Variants in DERA observed in about 807,000 individuals in gnomAD.
DERA encodes 2-deoxy-D-ribose 5-phosphate aldolase.
In DERA, 15 loss-of-function variants were observed where a neutral mutation model predicts 41.1. The observed-to-expected ratio is 0.37, with a 90% CI of 0.24 to 0.56. DERA has a LOEUF of 0.56. Among genes scored for constraint, DERA ranks in the 20% least tolerant of loss-of-function variants. The pLI is 0.81. For synonymous variants in DERA, 139 were observed against 137.4 expected (o/e 1.01, Z -0.08); for missense variants, 396 against 403.4 (o/e 0.98, Z 0.16).
In DERA at chr12:15,984,172, A is replaced by C. The variant is rs1381588001; in HGVS notation, c.637+1736A>C. ...TGGAGCTGAGATACTCCTCAGGGTC[A>C]CATCGGAGCCAATCTTGTGATACCT... On this transcript the variant is annotated intron_variant, in intron 6 of 8. Coordinates refer to ENST00000428559, the MANE Select transcript of DERA (RefSeq NM_015954.4). The surrounding 1 kb of genome is among the most constrained non-coding windows in gnomAD (Gnocchi z 4.5). 2.0e-5 allele frequency among the ~76,000 whole-genome samples: 3 copies of C among 152,208 alleles called. No individual in the cohort carries two copies. The highest frequency in any genetic ancestry group is 4.4e-5 in the Non-Finnish European group (3 of 68,042).
intron 5 of DERA, among the ~76,000 whole-genome samples, chr12:15,978,425 G>A (rs1460216393): frequency 1.3e-5 from 2 of 152,184 alleles, no homozygotes; most frequent in Non-Finnish European, 2.9e-5. Flanking sequence ...TGGGAAGCTA[G>A]TATTGAATGA....
At chr12:16,015,168 G>A (rs535467718) in intron 6 of DERA, among the ~76,000 whole-genome samples, 1 of 152,256 alleles carries the variant, frequency 6.6e-6, no homozygotes, top group African/African-American at 2.4e-5. Flanking sequence ...AAAACTTCGG[G>A]GGACTGTCGA....
At chr12:15,980,803 G>A (rs994005319) in intron 5 of DERA, among the ~76,000 whole-genome samples, 13 of 152,140 alleles carry the variant, frequency 8.5e-5, no homozygotes, top group Non-Finnish European at 1.8e-4. Flanking sequence ...TCTTGGAATA[G>A]AATATTTGCT....
chr12:15,964,598 T>TAAGGCTAGAG (rs1311607487), intron 5 of DERA, among the ~76,000 whole-genome samples: 2 of 152,196 alleles, frequency 1.3e-5, no homozygotes, highest in Non-Finnish European at 2.9e-5. Flanking sequence ...CACTAAGATT[T>TAAGGCTAGAG]AAGGCTAGAG....
chr12:16,015,090 G>A (rs1377891761), intron 6 of DERA, among the ~76,000 whole-genome samples: 1 of 152,154 alleles, frequency 6.6e-6, no homozygotes, highest in African/African-American at 2.4e-5. Context: ...GCTTATAGGT[G>A]GATGGGACTT....
At position 15,912,114 on chromosome 12, in the gene DERA, A is replaced by G. The variant is rs149470000; in HGVS notation, c.31+700A>G. On this transcript the variant is annotated intron_variant, in intron 1 of 8. Transcript: ENST00000428559. ...ACAGTAGTGGAGGGAAGGTCAGCTG[A>G]TAAACAAGTGAACAAAGGTCTCTGG... Among the ~76,000 whole-genome samples the G allele has an allele frequency of 8.1e-3, 1,224 of 151,566 alleles. 16 individuals are homozygous for G. Among genetic ancestry groups the G allele is most frequent in the African/African-American group, 0.027 (1,132 of 41,168 alleles).
chr12:15,932,521 A>G (rs1408426306), intron 1 of DERA, among the ~76,000 whole-genome samples: 3 of 151,946 alleles, frequency 2.0e-5, no homozygotes, highest in Non-Finnish European at 4.4e-5. Context: ...GTGGTGGTGC[A>G]TGCCTGTAGT....
intron 1 of DERA, among the ~76,000 whole-genome samples, chr12:15,925,972 C>T (rs1318681266): frequency 6.6e-6 from 1 of 151,788 alleles, no homozygotes; most frequent in East Asian, 1.9e-4. Context: ...AGGCGCCCAC[C>T]ATCACACACC....
rs1363236598 is a variant in DERA, at chr12:16,010,608, A to G, written c.638-21934A>G. On this transcript the variant is annotated intron_variant, in intron 6 of 8. Transcript: ENST00000428559. This position sits in a 1 kb window ranked among gnomAD's most constrained non-coding sequence, Gnocchi z 5.5. ...AAATAGAGACAGAATTTTAATGTGA[A>G]AATTGTTTATGAACAGAAGGAGAGA... Among the ~76,000 whole-genome samples, 1 of 152,036 alleles carries G rather than the reference A, an allele frequency of 6.6e-6. No homozygotes were observed.
Position 16,001,293 on chromosome 12 carries a change from A to C in DERA, c.637+18857A>C, listed in dbSNP as rs1220801256. On this transcript the variant is annotated intron_variant, in intron 6 of 8. Transcript: ENST00000428559. The surrounding 1 kb of genome is among the most constrained non-coding windows in gnomAD (Gnocchi z 4.1). Reference sequence around the variant, plus strand: ...TGTTTGTTTTTAGAAGAAATAAAAAAAACCATTCAGGCTCCCATGAGGTGA... The same window carrying C: ...TGTTTGTTTTTAGAAGAAATAAAAACAACCATTCAGGCTCCCATGAGGTGA... Among the ~76,000 whole-genome samples the C allele has an allele frequency of 6.6e-6, 1 of 152,218 alleles. No homozygotes were observed. Among genetic ancestry groups the C allele is most frequent in the Admixed American group, 6.5e-5 (1 of 15,286 alleles).
rs1172317639 is a variant in DERA, at chr12:16,010,258, T to C, written c.638-22284T>C. Among the ~76,000 whole-genome samples, 1 of 152,208 alleles carries C rather than the reference T, an allele frequency of 6.6e-6. No individual in the cohort carries two copies. Among genetic ancestry groups the C allele is most frequent in the Non-Finnish European group, 1.5e-5 (1 of 68,040 alleles). ...GCAGAGTGGATCCAGGTTGCGTGCATGCTTAGTATTAATGCATGACTTCTG... is the reference window on the plus strand; with the variant it reads ...GCAGAGTGGATCCAGGTTGCGTGCACGCTTAGTATTAATGCATGACTTCTG... On this transcript the variant is annotated intron_variant, in intron 6 of 8. Transcript: ENST00000428559. The surrounding 1 kb of genome is among the most constrained non-coding windows in gnomAD (Gnocchi z 5.5).
chr12:15,998,387 G>C lies in DERA; in HGVS notation c.637+15951G>C, dbSNP rs1948853250. ...GGCTAGAGTGCAATGGCCGGATCTT[G>C]GCTCACGGCAACCTCCGCCTTCCGG... On this transcript the variant is annotated intron_variant, in intron 6 of 8. Transcript: ENST00000428559. This position sits in a 1 kb window ranked among gnomAD's most constrained non-coding sequence, Gnocchi z 4.8. Among the ~76,000 whole-genome samples the C allele has an allele frequency of 6.6e-6, 1 of 152,028 alleles. No individual in the cohort carries two copies.
rs1056994662 is a variant in DERA, at chr12:15,911,820, T to G, written c.31+406T>G. 6.5e-5 allele frequency: 31 copies of G among 473,962 alleles called. No individual in the cohort carries two copies. In the East Asian group the frequency reaches 1.1e-3, roughly 17 times the overall value. The allele number at this position is 473,962 out of a possible 1,614,324, so 29.4% of individuals were successfully genotyped here. ...AATACTTGTGTAATTTAATGCAGTA[T>G]TTCCGTAGATAATTTTAACCGTAAC... On this transcript the variant is annotated intron_variant, in intron 1 of 8. Transcript: ENST00000428559. The surrounding 1 kb of genome is among the most constrained non-coding windows in gnomAD (Gnocchi z 4.5).
At position 16,019,973 on chromosome 12, in the gene DERA, A is replaced by G. The variant is rs1220300973; in HGVS notation, c.638-12569A>G. On this transcript the variant is annotated intron_variant, in intron 6 of 8. Transcript: ENST00000428559. This position sits in a 1 kb window ranked among gnomAD's most constrained non-coding sequence, Gnocchi z 4.4. The stretch of plus-strand genomic sequence containing the variant: ...ATTTCTTGCTCTGAGCTCACATGAG[A>G]TCTGGTTTTTTAAAAGAGCATGGCA... Among the ~76,000 whole-genome samples the G allele has an allele frequency of 1.3e-5, 2 of 151,896 alleles. No homozygotes were observed. Among genetic ancestry groups the G allele is most frequent in the African/African-American group, 4.8e-5 (2 of 41,330 alleles).
rs929351248 is a variant in DERA at position 15,967,872 on chromosome 12, C to A, written c.508+4925C>A. Among the ~76,000 whole-genome samples, 1 of 152,244 alleles carries A rather than the reference C, an allele frequency of 6.6e-6. No individual in the cohort carries two copies. Among genetic ancestry groups the A allele is most frequent in the African/African-American group, 2.4e-5 (1 of 41,530 alleles). On this transcript the variant is annotated intron_variant, in intron 5 of 8. Transcript: ENST00000428559. The surrounding 1 kb of genome is among the most constrained non-coding windows in gnomAD (Gnocchi z 4.9). ...ATTGTAGGCTCTCAAAATTACAATA[C>A]CTGACAAACATTTTCAAATGATTTG...
intron 7 of DERA, among the ~76,000 whole-genome samples, chr12:16,033,331 C>A (rs561349687): frequency 1.3e-5 from 2 of 152,256 alleles, no homozygotes; most frequent in East Asian, 3.9e-4. Context: ...AATTAAATAT[C>A]AATTTTTGCG....
rs1251641996 is a variant in DERA at position 15,911,527 on chromosome 12, C to T, written c.31+113C>T. 4 of 1,117,224 alleles carry T rather than the reference C, an allele frequency of 3.6e-6. No individual in the cohort carries two copies. Among genetic ancestry groups the T allele is most frequent in the South Asian group, 1.6e-5 (1 of 61,886 alleles). 69.2% of individuals were successfully genotyped at this position (1,117,224 alleles called of 1,614,324 possible). ...TGGCTGTGGGTCCCCGAGGGGTTTT[C>T]GCTGGGGCGGGAAGCAGTGGCGTCT... On this transcript the variant is annotated intron_variant, in intron 1 of 8. Transcript: ENST00000428559. This position sits in a 1 kb window ranked among gnomAD's most constrained non-coding sequence, Gnocchi z 4.5.
rs796777302 is a variant in DERA at position 15,993,495 on chromosome 12, T to TAAAA, written c.637+11064_637+11067dup. ...GTGTTGTGGCCTTTTTTTTTTTTTT[T>TAAAA]AAAAAAAATAAGATCTTGCCTTTCA... On this transcript the variant is annotated intron_variant, in intron 6 of 8. Transcript: ENST00000428559. This position sits in a 1 kb window ranked among gnomAD's most constrained non-coding sequence, Gnocchi z 4.4. Among the ~76,000 whole-genome samples, 978 of 149,394 alleles carry TAAAA rather than the reference T, an allele frequency of 6.5e-3. 17 individuals are homozygous for TAAAA. The highest frequency in any genetic ancestry group is 0.023 in the African/African-American group (915 of 40,534).
At chr12:16,023,893 A>G (rs1379874885) in intron 6 of DERA, among the ~76,000 whole-genome samples, 1 of 152,236 alleles carries the variant, frequency 6.6e-6, no homozygotes, top group Non-Finnish European at 1.5e-5. Context: ...AATAGCTTTA[A>G]TGAAAAAACA....
Sources: allele counts gnomAD v4.1 joint callset (sites outside exome capture counted in the v4.1 genomes callset), GRCh38; gene constraint gnomAD v4.1.1; non-coding constraint Gnocchi (gnomAD v3.1); transcripts MANE v1.5; gene names NCBI Gene and HGNC (gene_info 2026-07-23, HGNC 2026-07-21).